Variants in CA1 observed in about 807,000 individuals in gnomAD.
CA1 encodes carbonate dehydratase I.
Under a neutral mutation model 28.8 loss-of-function variants are expected in CA1, and 27 were observed. The observed-to-expected ratio is 0.94, with a 90% CI of 0.69 to 1.29. The LOEUF is 1.29. CA1 is among the 50% of genes most tolerant of loss of function. The pLI is 0.00. For synonymous variants in CA1, 121 were observed against 108.8 expected (o/e 1.11, Z -0.70); for missense variants, 335 against 310.5 (o/e 1.08, Z -0.59).
intron 4 of CA1, 121 bp downstream of exon 4, chr8:85,336,824 G>A (rs906301590): frequency 2.6e-6 from 2 of 755,624 alleles, no homozygotes; most frequent in African/African-American, 3.4e-5. Context: ...GAAACTGGGA[G>A]TTCCTTACTG....
rs1479071250 is a variant in CA1, at chr8:85,328,220, C to A, written c.*340G>T. The A allele has an allele frequency of 5.8e-6, 1 of 173,572 alleles. No individual in the cohort carries two copies. Among genetic ancestry groups the A allele is most frequent in the Non-Finnish European group, 1.2e-5 (1 of 81,832 alleles). 10.8% of individuals were successfully genotyped at this position (173,572 alleles called of 1,614,324 possible). ...TTAATGGTTTTAGAAACTGAATGCACAACAGAAAGAAAGAGATAAAATTAT... is the reference window on the plus strand; with the variant it reads ...TTAATGGTTTTAGAAACTGAATGCAAAACAGAAAGAAAGAGATAAAATTAT... On this transcript the variant is annotated 3_prime_UTR_variant, in exon 8 of 8. Coordinates refer to ENST00000523022, the MANE Select transcript of CA1 (RefSeq NM_001128831.4).
chr8:85,354,606 G>A (rs1809537210), intron 1 of CA1, among the ~76,000 whole-genome samples: 1 of 152,158 alleles, frequency 6.6e-6, no homozygotes, highest in African/African-American at 2.4e-5. Flanking sequence ...AGTCACCAGT[G>A]GAAGTCACTG....
intron 1 of CA1, among the ~76,000 whole-genome samples, chr8:85,342,329 AT>A (rs1293861791): frequency 1.3e-5 from 2 of 152,140 alleles, no homozygotes; most frequent in Non-Finnish European, 2.9e-5. Context: ...TAAAGGTCTT[AT>A]TTTTTAATAG....
intron 7 of CA1, 42 bp downstream of exon 7, chr8:85,329,647 T>C (rs768355207): frequency 6.5e-7 from 1 of 1,532,496 alleles, no homozygotes; most frequent in Admixed American, 1.7e-5. Context: ...AAAGTAATAT[T>C]CCTGCTACGC....
chr8:85,330,713 A>G (rs1314395110), intron 6 of CA1, among the ~76,000 whole-genome samples: 1 of 152,206 alleles, frequency 6.6e-6, no homozygotes, highest in Non-Finnish European at 1.5e-5. Flanking sequence ...TAACAAGTTG[A>G]TCATGAGGTT....
intron 6 of CA1, among the ~76,000 whole-genome samples, chr8:85,330,932 T>A (rs1270958894): frequency 6.6e-6 from 1 of 152,154 alleles, no homozygotes; most frequent in Non-Finnish European, 1.5e-5. Flanking sequence ...GTTTGTCTGT[T>A]TTGTAGTTTT....
intron 1 of CA1, among the ~76,000 whole-genome samples, chr8:85,358,014 GA>G (rs1317649610): frequency 6.6e-6 from 1 of 152,124 alleles, no homozygotes; most frequent in African/African-American, 2.4e-5. Context: ...AAATATCCAA[GA>G]AACATACAGA....
chr8:85,370,604 CT>C (rs1810184191), intron 1 of CA1, among the ~76,000 whole-genome samples: 1 of 151,830 alleles, frequency 6.6e-6, no homozygotes, highest in South Asian at 2.1e-4. Context: ...AGTAGAGATG[CT>C]TTTTATTTAC....
At chr8:85,355,387 T>C (rs1449293349) in intron 1 of CA1, among the ~76,000 whole-genome samples, 1 of 152,126 alleles carries the variant, frequency 6.6e-6, no homozygotes, top group Non-Finnish European at 1.5e-5. Flanking sequence ...CACTTATTTT[T>C]TATTTAAAAA....
intron 1 of CA1, among the ~76,000 whole-genome samples, chr8:85,354,108 C>A (rs951560757): frequency 3.3e-5 from 5 of 151,506 alleles, no homozygotes; most frequent in African/African-American, 4.9e-5. Flanking sequence ...GGATTACAGG[C>A]CTGTGCCACC....
At chr8:85,372,622 G>A (rs550399502) in intron 1 of CA1, among the ~76,000 whole-genome samples, 8 of 152,296 alleles carry the variant, frequency 5.3e-5, no homozygotes, top group African/African-American at 1.7e-4. Context: ...TATATATACA[G>A]TAGTTTCCCC....
intron 2 of CA1, 62 bp downstream of exon 2, chr8:85,341,537 C>A: frequency 2.0e-6 from 2 of 1,001,432 alleles, no homozygotes; most frequent in Non-Finnish European, 3.2e-6. Context: ...TACTTAATAT[C>A]TTTTCTGTTG....
intron 4 of CA1, among the ~76,000 whole-genome samples, chr8:85,335,379 G>A (rs1808606544): frequency 6.6e-6 from 1 of 152,084 alleles, no homozygotes; most frequent in Admixed American, 6.5e-5. Context: ...CTCTTTTCAT[G>A]CTGTCAACAA....
chr8:85,368,242 A>T (rs1810084743), intron 1 of CA1, among the ~76,000 whole-genome samples: 1 of 152,052 alleles, frequency 6.6e-6, no homozygotes, highest in Non-Finnish European at 1.5e-5. Context: ...ATCTTGGCTC[A>T]CCACAAACTC....
chr8:85,349,532 A>G lies in CA1; in HGVS notation c.-24-7873T>C, dbSNP rs137923405. ...CAACAGTCATTGTAGTTTCCCTAAA[A>G]CAGACCCTATAACTTTGGCTTGATT... On this transcript the variant is annotated intron_variant, in intron 1 of 7. Transcript: ENST00000523022. 6.6e-5 allele frequency among the ~76,000 whole-genome samples: 10 copies of G among 152,300 alleles called. No individual in the cohort carries two copies. The East Asian group carries it at 1.7e-3, about 26-fold the overall frequency.
At chr8:85,351,816 A>G (rs911776665) in intron 1 of CA1, 1 of 152,228 alleles carries the variant, frequency 6.6e-6, no homozygotes, top group Non-Finnish European at 1.5e-5. Context: ...ATTCTTTGTT[A>G]CTTGTAAGGC....
At chr8:85,374,534 T>C (rs566648091) in intron 1 of CA1, among the ~76,000 whole-genome samples, 2 of 152,310 alleles carry the variant, frequency 1.3e-5, no homozygotes, top group African/African-American at 2.4e-5. Flanking sequence ...TATGATGTGG[T>C]TTTAATCGTA....
chr8:85,355,808 G>T (rs1183658173), intron 1 of CA1, among the ~76,000 whole-genome samples: 2 of 151,470 alleles, frequency 1.3e-5, no homozygotes, highest in African/African-American at 2.4e-5. Flanking sequence ...AACTTATTAT[G>T]TGAACCAAGC....
chr8:85,344,579 C>A (rs866255565), intron 1 of CA1, among the ~76,000 whole-genome samples: 2 of 151,704 alleles, frequency 1.3e-5, no homozygotes, highest in Middle Eastern at 6.8e-3. Flanking sequence ...TACTTTTCAT[C>A]TAATTTTTAT....
Sources: gnomAD v4.1 joint callset for allele counts (sites outside exome capture counted in the v4.1 genomes callset) on GRCh38, gnomAD v4.1.1 for gene constraint, MANE v1.5 for transcripts, NCBI Gene and HGNC (gene_info 2026-07-23, HGNC 2026-07-21) for gene names.